Variants in EDEM2 observed in about 807,000 individuals in gnomAD.
EDEM2 encodes ER degradation-enhancing alpha-mannosidase-like protein 2.
EDEM2 carries 39 observed loss-of-function variants against 64.8 expected under a neutral mutation model. That is an observed-to-expected ratio of 0.60 (90% CI 0.47 to 0.79). EDEM2 has a LOEUF of 0.79. Ranked by LOEUF, EDEM2 falls within the 30% of genes least tolerant of loss-of-function variation. The pLI is 0.00. For synonymous variants in EDEM2, 296 were observed against 291.5 expected, an observed-to-expected ratio of 1.02 and a Z score of -0.16; for missense variants, 609 against 731.3, an observed-to-expected ratio of 0.83 and a Z score of 1.93.
intron 6 of EDEM2, among the ~76,000 whole-genome samples, chr20:35,132,350 CTG>C (rs1406722039): frequency 1.3e-5 from 2 of 151,552 alleles, no homozygotes; most frequent in South Asian, 2.1e-4. Context: ...TCTGTAGAGA[CTG>C]TGAAAAATTG....
At chr20:35,142,210 C>G (rs929640159) in intron 4 of EDEM2, among the ~76,000 whole-genome samples, 163 bp downstream of exon 4, 1 of 152,188 alleles carries the variant, frequency 6.6e-6, no homozygotes, top group African/African-American at 2.4e-5. Flanking sequence ...CCTGAGACTT[C>G]CCCACCTCAC....
At chr20:35,138,312 A>C (rs959443558) in intron 4 of EDEM2, among the ~76,000 whole-genome samples, 6 of 152,146 alleles carry the variant, frequency 3.9e-5, no homozygotes, top group African/African-American at 1.4e-4. Context: ...ATTTTTTGTA[A>C]GTCCCTATTG....
chr20:35,145,504 T>C (rs189623246), intron 2 of EDEM2, among the ~76,000 whole-genome samples: 202 of 152,330 alleles, frequency 1.3e-3, no homozygotes, highest in Admixed American at 6.8e-3. Context: ...AAGACTTCTA[T>C]GTGCTGATGG....
chr20:35,118,407 T>C, intron 10 of EDEM2, 191 bp downstream of exon 10: 2 of 767,066 alleles, frequency 2.6e-6, no homozygotes, highest in Non-Finnish European at 4.2e-6. Context: ...CTACTAGCTG[T>C]GAGATCTTTA....
intron 9 of EDEM2, among the ~76,000 whole-genome samples, chr20:35,120,286 C>G (rs1419813150): frequency 6.6e-6 from 1 of 152,114 alleles, no homozygotes; most frequent in Non-Finnish European, 1.5e-5. Flanking sequence ...TGGTCTCAAA[C>G]TCCTGACCTC....
intron 2 of EDEM2, among the ~76,000 whole-genome samples, chr20:35,146,189 T>A (rs2085730078): frequency 6.6e-6 from 1 of 152,132 alleles, no homozygotes; most frequent in Non-Finnish European, 1.5e-5. Flanking sequence ...ATTTATTGTA[T>A]ATAATCTTTT....
chr20:35,147,070 G>C (rs953434390), intron 1 of EDEM2, 82 bp downstream of exon 1: 11 of 1,548,518 alleles, frequency 7.1e-6, no homozygotes, highest in African/African-American at 5.5e-5. Context: ...GGAGCAAGTC[G>C]GGGTCTGGGA....
intron 2 of EDEM2, 45 bp from the exon 3 acceptor site, chr20:35,145,063 T>C: frequency 6.2e-7 from 1 of 1,604,744 alleles, no homozygotes; most frequent in Non-Finnish European, 8.5e-7. Context: ...GAAAATCAAA[T>C]ACCAGATATT....
At chr20:35,147,098 G>C (rs963347854) in intron 1 of EDEM2, 54 bp downstream of exon 1, 10 of 1,572,452 alleles carry the variant, frequency 6.4e-6, no homozygotes, top group Non-Finnish European at 8.7e-6. Flanking sequence ...AAAGGGAAAG[G>C]ACCGGGTTCA....
At chr20:35,125,897 G>C (rs2085426710) in intron 8 of EDEM2, among the ~76,000 whole-genome samples, 1 of 152,156 alleles carries the variant, frequency 6.6e-6, no homozygotes, top group Non-Finnish European at 1.5e-5. Flanking sequence ...TGGCACAGCG[G>C]CACAAGCTGC....
chr20:35,130,851 G>T (rs1321657399), intron 7 of EDEM2, among the ~76,000 whole-genome samples: 1 of 152,154 alleles, frequency 6.6e-6, no homozygotes, highest in African/African-American at 2.4e-5. Context: ...TATTCAACAG[G>T]TATTAATCTA....
At position 35,139,467 on chromosome 20, in the gene EDEM2, G is replaced by A. The variant is rs556211725; in HGVS notation, c.365-1462C>T. On this transcript the variant is annotated intron_variant, in intron 4 of 10. Transcript: ENST00000374492. ...AGTTCGTGACCAGCCTGGTAAACACGGTGAAACCCTGTCTCTATTAAAAAT... is the reference window on the plus strand; with the variant it reads ...AGTTCGTGACCAGCCTGGTAAACACAGTGAAACCCTGTCTCTATTAAAAAT... Among the ~76,000 whole-genome samples the A allele has an allele frequency of 4.9e-5, 7 of 141,998 alleles. No individual in the cohort carries two copies. The East Asian group carries it at 1.2e-3, about 24-fold the overall frequency. 93.2% of individuals were successfully genotyped at this position (141,998 alleles called of 152,430 possible). A position where few individuals can be genotyped will look rare whatever the true frequency, so the allele number is the denominator to read the frequency against.
chr20:35,142,582 G>T, intron 3 of EDEM2, 104 bp from the exon 4 acceptor site: 1 of 799,274 alleles, frequency 1.3e-6, no homozygotes. Context: ...TTCCACTTAA[G>T]ACCTCCAGTT....
At chr20:35,136,754 GAA>G (rs11481205) in intron 5 of EDEM2, among the ~76,000 whole-genome samples, 11,157 of 101,998 alleles carry the variant, frequency 0.11, 492 homozygotes, top group South Asian at 0.2. Context: ...GACCCTGTCT[GAA>G]AAAAAAAAAA....
At chr20:35,126,130 C>T in intron 8 of EDEM2, 121 bp downstream of exon 8, 1 of 1,319,186 alleles carries the variant, frequency 7.6e-7, no homozygotes, top group Non-Finnish European at 1.0e-6. Context: ...CCATCCTCAA[C>T]CTGTCCCTCC....
intron 9 of EDEM2, 69 bp downstream of exon 9, chr20:35,123,821 T>C (rs6120838): frequency 6.4e-7 from 1 of 1,566,270 alleles, no homozygotes; most frequent in Non-Finnish European, 8.7e-7. Context: ...GATGGAGCCT[T>C]GTAGAGGGGA....
intron 8 of EDEM2, among the ~76,000 whole-genome samples, chr20:35,125,956 C>T (rs529406095): frequency 4.6e-5 from 7 of 152,250 alleles, no homozygotes; most frequent in Middle Eastern, 3.4e-3. Flanking sequence ...TGGACAGAAA[C>T]GCCCAGTGGA....
intron 7 of EDEM2, 83 bp downstream of exon 7, chr20:35,131,559 C>CT: frequency 6.5e-7 from 1 of 1,536,516 alleles, no homozygotes; most frequent in South Asian, 1.2e-5. Context: ...GAGCAAGACT[C>CT]TGTCTCAAAA....
At chr20:35,127,211 A>G (rs2085446334) in intron 7 of EDEM2, among the ~76,000 whole-genome samples, 2 of 152,154 alleles carry the variant, frequency 1.3e-5, no homozygotes, top group South Asian at 4.1e-4. Context: ...GCCATGTGGA[A>G]CTGTGAGTCC....
Sources: gnomAD v4.1 joint callset for allele counts (sites outside exome capture counted in the v4.1 genomes callset) on GRCh38, gnomAD v4.1.1 for gene constraint, MANE v1.5 for transcripts, NCBI Gene and HGNC (gene_info 2026-07-23, HGNC 2026-07-21) for gene names.